Variants in MPRIP observed in about 807,000 individuals in gnomAD.
The protein encoded by MPRIP is myosin phosphatase Rho interacting protein, also known as myosin phosphatase Rho-interacting protein.
MPRIP carries 59 observed loss-of-function variants against 234.9 expected under a neutral mutation model. That is an observed-to-expected ratio of 0.25 (90% CI 0.20 to 0.31). The LOEUF is 0.31. MPRIP is among the 10% of genes least tolerant of loss of function. The pLI is 1.00. For missense variants in MPRIP, 2,436 were observed against 3,071.0 expected, an observed-to-expected ratio of 0.79 and a Z score of 4.89; for synonymous variants, 1,144 against 1,263.9, an observed-to-expected ratio of 0.91 and a Z score of 2.01.
At chr17:17,105,646 G>A (rs181987997) in intron 3 of MPRIP, among the ~76,000 whole-genome samples, 9 of 152,166 alleles carry the variant, frequency 5.9e-5, no homozygotes, top group Non-Finnish European at 7.4e-5. Context: ...TGTGAGAGAC[G>A]CTGTCTCTGA....
At chr17:17,146,911 T>G (rs1419211750) in intron 10 of MPRIP, among the ~76,000 whole-genome samples, 1 of 152,260 alleles carries the variant, frequency 6.6e-6, no homozygotes, top group Admixed American at 6.5e-5. Flanking sequence ...CACATGGCCA[T>G]GGCTTGCGGG....
rs2046204029 is a variant in MPRIP at position 17,174,108 on chromosome 17, T to A, written c.6750+33T>A. 3 of 1,607,710 alleles carry A rather than the reference T, an allele frequency of 1.9e-6. No individual in the cohort carries two copies. In the Admixed American group the frequency reaches 5.0e-5, roughly 27 times the overall value. The stretch of plus-strand genomic sequence containing the variant: ...TGCAGCCAGGTGAGCCCAAGGTTAG[T>A]CAGGGGCACTCAAGGTCAGGTAGAC... On this transcript the variant is annotated intron_variant, in intron 19 of 23. Coordinates refer to ENST00000651222, the MANE Select transcript of MPRIP (RefSeq NM_001364716.4).
chr17:17,079,611 G>A lies in MPRIP; in HGVS notation c.267+1535G>A, dbSNP rs187698687. Reference sequence around the variant, plus strand: ...GCTGAGTCCTGCAATTGACTTAACAGTATCAGAGGAGCCTCAAGAGGTCAC... The same window carrying A: ...GCTGAGTCCTGCAATTGACTTAACAATATCAGAGGAGCCTCAAGAGGTCAC... On this transcript the variant is annotated intron_variant, in intron 3 of 23. Coordinates refer to ENST00000651222, the MANE Select transcript of MPRIP (RefSeq NM_001364716.4). 1.6e-3 allele frequency among the ~76,000 whole-genome samples: 248 copies of A among 152,316 alleles called. 4 individuals are homozygous for A. The highest frequency in any genetic ancestry group is 0.014 in the South Asian group (69 of 4,830).
At chr17:17,069,174 T>A (rs2143992383) in intron 1 of MPRIP, among the ~76,000 whole-genome samples, 1 of 152,356 alleles carries the variant, frequency 6.6e-6, no homozygotes, top group African/African-American at 2.4e-5. Flanking sequence ...TTTATCATTA[T>A]ATAATATTCC....
intron 19 of MPRIP, among the ~76,000 whole-genome samples, chr17:17,174,505 G>C: frequency 1.3e-5 from 2 of 152,332 alleles, no homozygotes; most frequent in South Asian, 4.1e-4. Context: ...TCAGGCTTAC[G>C]GCTCACATTT....
intron 4 of MPRIP, among the ~76,000 whole-genome samples, chr17:17,129,520 C>T (rs2090556845): frequency 6.6e-6 from 1 of 152,222 alleles, no homozygotes; most frequent in Non-Finnish European, 1.5e-5. Context: ...CGACTCCAGC[C>T]ACAGACTGCA....
intron 13 of MPRIP, among the ~76,000 whole-genome samples, chr17:17,157,200 A>C (rs1300324211): frequency 6.6e-6 from 1 of 152,166 alleles, no homozygotes; most frequent in Non-Finnish European, 1.5e-5. Flanking sequence ...TCCCTGCCCT[A>C]CTGCAGACGA....
rs764469725 is a variant in MPRIP at position 17,158,691 on chromosome 17, G to C, written c.2089G>C (p.Gly697Arg). 11 of 1,608,850 alleles carry C rather than the reference G, an allele frequency of 6.8e-6. No individual in the cohort carries two copies. Among genetic ancestry groups the C allele is most frequent in the South Asian group, 4.4e-5 (4 of 90,890 alleles). The change falls in exon 14 of 24, where the codon GGG becomes CGG. Residue 697 changes from glycine to arginine, a missense_variant. Physicochemically the swap from Gly to Arg is moderately radical, Grantham distance 125. Transcript: ENST00000651222. ...GCCCCTGCGCCCTGAGGCGGAGCCT[G>C]GGGAGCTGGAGCGGGAGCGTGCACG... ...HEPLRPEAEP[G>R]ELERERARRR... is the part of the protein sequence containing the mutation.
chr17:17,185,891 G>T lies in MPRIP; in HGVS notation c.*997G>T, dbSNP rs1017242036. Reference sequence around the variant, plus strand: ...GCACATTAGTGTTTATTGAGACTCCGATCTTAACTCTCATTTAATTAATCT... The same window carrying T: ...GCACATTAGTGTTTATTGAGACTCCTATCTTAACTCTCATTTAATTAATCT... On this transcript the variant is annotated 3_prime_UTR_variant, in exon 24 of 24. Coordinates refer to ENST00000651222, the MANE Select transcript of MPRIP (RefSeq NM_001364716.4). 17 of 166,894 alleles carry T rather than the reference G, an allele frequency of 1.0e-4. No homozygotes were observed. Among genetic ancestry groups the T allele is most frequent in the Admixed American group, 1.0e-3 (16 of 15,966 alleles). The allele number at this position is 166,894 out of a possible 1,614,324, so 10.3% of individuals were successfully genotyped here. A position where few individuals can be genotyped will look rare whatever the true frequency, so the allele number is the denominator to read the frequency against.
intron 13 of MPRIP, among the ~76,000 whole-genome samples, chr17:17,156,273 A>G (rs1474717901): frequency 1.3e-5 from 2 of 151,958 alleles, no homozygotes; most frequent in African/African-American, 4.8e-5. Context: ...TGCAGGGGCT[A>G]TGGGCCCAGG....
At chr17:17,061,646 G>A (rs2088870552) in intron 1 of MPRIP, among the ~76,000 whole-genome samples, 7 of 152,172 alleles carry the variant, frequency 4.6e-5, no homozygotes, top group Admixed American at 4.6e-4. Context: ...TACAGGTGTG[G>A]GTCCTTCTTC....
At chr17:17,127,977 T>C (rs2090525508) in intron 4 of MPRIP, among the ~76,000 whole-genome samples, 2 of 152,108 alleles carry the variant, frequency 1.3e-5, no homozygotes, top group Admixed American at 1.3e-4. Flanking sequence ...CAGGTTTGCA[T>C]TTCTGAGCAC....
At position 17,189,211 on chromosome 17, in the gene MPRIP, CAG is replaced by C. The variant is rs1239428362; in HGVS notation, c.*4320_*4321del. The C allele has an allele frequency of 6.6e-6, 1 of 152,154 alleles. No individual in the cohort carries two copies. Among genetic ancestry groups the C allele is most frequent in the African/African-American group, 2.4e-5 (1 of 41,360 alleles). The allele number at this position is 152,154 out of a possible 1,614,324, so 9.4% of individuals were successfully genotyped here. On this transcript the variant is annotated 3_prime_UTR_variant, in exon 24 of 24. Transcript: ENST00000651222. ...TGTTTTTTGTTTTTTGTTTTCAAGACAGAGTCTCGCTCTGTTGTCCAGGCTGG... is the reference window on the plus strand; with the variant it reads ...TGTTTTTTGTTTTTTGTTTTCAAGACAGTCTCGCTCTGTTGTCCAGGCTGG...
intron 1 of MPRIP, among the ~76,000 whole-genome samples, chr17:17,055,246 T>C (rs1057197597): frequency 2.0e-5 from 3 of 152,216 alleles, no homozygotes; most frequent in African/African-American, 4.8e-5. Flanking sequence ...CCATGGGCAG[T>C]GTGGGAGAAG....
At chr17:17,136,518 GGA>G in intron 6 of MPRIP, 68 bp downstream of exon 6, 1 of 1,471,244 alleles carries the variant, frequency 6.8e-7, no homozygotes, top group Non-Finnish European at 9.3e-7. Context: ...CTGGCCCTGG[GGA>G]TTCAGCCAAG....
At chr17:17,173,708 G>C in intron 18 of MPRIP, 1 of 698,018 alleles carries the variant, frequency 1.4e-6, no homozygotes. Context: ...CTAGCTGTAG[G>C]ACTGTCAGAC....
At chr17:17,096,746 A>G (rs2089855411) in intron 3 of MPRIP, 1 of 470,646 alleles carries the variant, frequency 2.1e-6, no homozygotes, top group Non-Finnish European at 4.4e-6. Flanking sequence ...GCACTAATAT[A>G]TTTTCCTTTT....
chr17:17,167,828 C>T lies in MPRIP; in HGVS notation c.6237C>T (p.Val2079=), dbSNP rs1307122356. The part of the protein sequence containing the change: ...RIQELEAQMD[V]MREELGHKDL... The stretch of plus-strand genomic sequence containing the variant: ...AGGAGCTGGAGGCCCAGATGGATGT[C>T]ATGCGGGAGGAGCTGGGACACAAGG... Residue 2079 remains valine, a synonymous_variant, in exon 16 of 24, where the codon GTC becomes GTT. Coordinates refer to ENST00000651222, the MANE Select transcript of MPRIP (RefSeq NM_001364716.4). The surrounding 1 kb of genome is among the most constrained non-coding windows in gnomAD (Gnocchi z 5.9). 47 of 1,304,174 alleles carry T rather than the reference C, an allele frequency of 3.6e-5. No individual in the cohort carries two copies. Among genetic ancestry groups the T allele is most frequent in the Non-Finnish European group, 4.6e-5 (45 of 988,992 alleles). The allele number at this position is 1,304,174 out of a possible 1,614,324, so 80.8% of individuals were successfully genotyped here.
chr17:17,173,448 C>G (rs1193866953), intron 18 of MPRIP, among the ~76,000 whole-genome samples: 2 of 152,174 alleles, frequency 1.3e-5, no homozygotes, highest in Non-Finnish European at 2.9e-5. Context: ...GCAGGGTGGC[C>G]CACCTGGAAG....
Sources: allele counts gnomAD v4.1 joint callset (sites outside exome capture counted in the v4.1 genomes callset), GRCh38; gene constraint gnomAD v4.1.1; non-coding constraint Gnocchi (gnomAD v3.1); transcripts MANE v1.5; gene names NCBI Gene and HGNC (gene_info 2026-07-23, HGNC 2026-07-21).